The following SLC4A4 variants were observed in gnomAD, a reference collection of about 807,000 sequenced individuals.
The protein encoded by SLC4A4 is solute carrier family 4 member 4.
Under a neutral mutation model 111.5 loss-of-function variants are expected in SLC4A4, and 27 were observed. The observed-to-expected ratio is 0.24, with a 90% CI of 0.18 to 0.33. The LOEUF (loss-of-function observed/expected upper bound fraction) is 0.33. SLC4A4 is among the 10% of genes least tolerant of loss of function. The pLI is 1.00. For synonymous variants in SLC4A4, 443 were observed against 463.4 expected (o/e 0.96, Z 0.57); for missense variants, 909 against 1,315.5 (o/e 0.69, Z 4.78).
At chr4:71,164,211 T>C (rs544122215) in intron 2 of SLC4A4, among the ~76,000 whole-genome samples, 15 of 151,936 alleles carry the variant, frequency 9.9e-5, no homozygotes, top group African/African-American at 3.4e-4. Flanking sequence ...TGAAACCCTG[T>C]CTCTACTAAA....
chr4:71,445,612 C>G (rs960430881), intron 8 of SLC4A4, among the ~76,000 whole-genome samples: 9 of 152,098 alleles, frequency 5.9e-5, no homozygotes, highest in Non-Finnish European at 1.2e-4. Context: ...GATATTTTCT[C>G]TTGTGGCACA....
Position 71,156,849 on chromosome 4 carries a change from C to T in SLC4A4, c.-2+64057C>T, listed in dbSNP as rs1279311057. Reference sequence around the variant, plus strand: ...GCTGAGGTGACGATTCTTTTCTGCTCCAAACTCTTAACAGCTTTAATTAAT... The same window carrying T: ...GCTGAGGTGACGATTCTTTTCTGCTTCAAACTCTTAACAGCTTTAATTAAT... On this transcript the variant is annotated intron_variant, in intron 2 of 26. Coordinates refer to the SLC4A4 transcript ENST00000649996. 4.6e-5 allele frequency among the ~76,000 whole-genome samples: 7 copies of T among 152,264 alleles called. No individual in the cohort carries two copies. In the South Asian group the frequency reaches 8.3e-4, roughly 18 times the overall value.
intron 7 of SLC4A4, among the ~76,000 whole-genome samples, chr4:71,404,588 A>G (rs549876555): frequency 1.1e-4 from 17 of 152,210 alleles, no homozygotes; most frequent in Non-Finnish European, 1.8e-4. Context: ...GAACAGTAGC[A>G]TGCTGTCAAC....
At chr4:71,565,471 T>C (rs1737385387) in intron 24 of SLC4A4, among the ~76,000 whole-genome samples, 1 of 151,814 alleles carries the variant, frequency 6.6e-6, no homozygotes, top group African/African-American at 2.4e-5. Flanking sequence ...GGCCAGGGTG[T>C]TGTCTTCACC....
At chr4:71,349,430 C>T (rs1729615737) in intron 4 of SLC4A4, among the ~76,000 whole-genome samples, 2 of 152,286 alleles carry the variant, frequency 1.3e-5, no homozygotes, top group South Asian at 2.1e-4. Context: ...TGCCACTTCA[C>T]GCATCATGTT....
chr4:71,338,891 G>A (rs1023629117), intron 3 of SLC4A4, among the ~76,000 whole-genome samples: 2 of 125,518 alleles, frequency 1.6e-5, no homozygotes, highest in African/African-American at 5.9e-5. Context: ...GCCTGCGAGG[G>A]CATGAGCTTT....
intron 7 of SLC4A4, among the ~76,000 whole-genome samples, chr4:71,413,461 A>G (rs1721569298): frequency 6.6e-6 from 1 of 152,246 alleles, no homozygotes; most frequent in African/African-American, 2.4e-5. Flanking sequence ...ATCAGATATT[A>G]AAGCACTCAT....
chr4:71,544,656 C>T (rs980262947), intron 18 of SLC4A4, among the ~76,000 whole-genome samples: 5 of 152,136 alleles, frequency 3.3e-5, no homozygotes, highest in African/African-American at 4.8e-5. Flanking sequence ...TTTCCCTATT[C>T]GCCTAACACA....
At chr4:71,476,103 A>G (rs1261592246) in intron 14 of SLC4A4, among the ~76,000 whole-genome samples, 2 of 151,756 alleles carry the variant, frequency 1.3e-5, no homozygotes, top group African/African-American at 4.8e-5. Context: ...AAGGCAGTGG[A>G]TAGTTATTTG....
intron 10 of SLC4A4, among the ~76,000 whole-genome samples, chr4:71,450,897 T>A (rs185184438): frequency 6.6e-6 from 1 of 152,224 alleles, no homozygotes; most frequent in East Asian, 1.9e-4. Context: ...GTTAAGACAT[T>A]GGGTAAAATA....
At chr4:71,171,000 G>C (rs568883305) in intron 2 of SLC4A4, among the ~76,000 whole-genome samples, 1 of 152,282 alleles carries the variant, frequency 6.6e-6, no homozygotes, top group East Asian at 1.9e-4. Context: ...AGAAATCTAG[G>C]CTGAGTGGAG....
intron 1 of SLC4A4, among the ~76,000 whole-genome samples, chr4:71,085,823 A>G (rs183193725): frequency 0.59 from 88,658 of 151,472 alleles, 27,650 homozygotes; most frequent in East Asian, 0.75. Flanking sequence ...AGTATAGTTC[A>G]AAGTCAGGTA....
chr4:71,453,691 A>G lies in SLC4A4; in HGVS notation c.1497+22A>G. On this transcript the variant is annotated intron_variant, in intron 12 of 25. Transcript: ENST00000264485. Reference sequence around the variant, plus strand: ...GCAGGTGGGTATGGTTTTGAGGAGGACACAAATAGTACAGCCCAGATTGCC... The same window carrying G: ...GCAGGTGGGTATGGTTTTGAGGAGGGCACAAATAGTACAGCCCAGATTGCC... 1.2e-6 allele frequency: 2 copies of G among 1,613,066 alleles called. 1 individual carries two copies.
intron 16 of SLC4A4, among the ~76,000 whole-genome samples, chr4:71,504,683 T>C (rs890859334): frequency 4.6e-5 from 7 of 151,524 alleles, no homozygotes; most frequent in African/African-American, 1.7e-4. Flanking sequence ...GGTGTTATTA[T>C]TATTTTTCTT....
intron 16 of SLC4A4, among the ~76,000 whole-genome samples, chr4:71,524,639 A>G (rs1733255295): frequency 1.3e-5 from 2 of 151,944 alleles, no homozygotes; most frequent in Admixed American, 1.3e-4. Context: ...TGCTATGACT[A>G]CTATTAATGC....
intron 17 of SLC4A4, 83 bp from the exon 18 acceptor site, chr4:71,534,143 AG>A: frequency 1.8e-6 from 2 of 1,117,622 alleles, no homozygotes; most frequent in Non-Finnish European, 2.7e-6. Flanking sequence ...CAAATATAAA[AG>A]CATGTCTTCC....
At chr4:71,422,757 T>A (rs949864604) in intron 7 of SLC4A4, among the ~76,000 whole-genome samples, 1 of 152,100 alleles carries the variant, frequency 6.6e-6, no homozygotes, top group African/African-American at 2.4e-5. Context: ...TCTCAATAGA[T>A]GCAGAAAAGG....
At chr4:71,242,128 G>A (rs1264305651) in intron 2 of SLC4A4, among the ~76,000 whole-genome samples, 1 of 152,202 alleles carries the variant, frequency 6.6e-6, no homozygotes, top group Non-Finnish European at 1.5e-5. Context: ...TGGTAGTATA[G>A]TATCGGCCAA....
intron 2 of SLC4A4, among the ~76,000 whole-genome samples, chr4:71,174,734 G>C (rs1185992240): frequency 6.6e-6 from 1 of 152,066 alleles, no homozygotes. Flanking sequence ...AATGAAAAAA[G>C]CAACACATTT....
Sources: gnomAD v4.1 joint callset for allele counts (sites outside exome capture counted in the v4.1 genomes callset) on GRCh38, gnomAD v4.1.1 for gene constraint, MANE v1.5 for transcripts, NCBI Gene and HGNC (gene_info 2026-07-23, HGNC 2026-07-21) for gene names.